The following ATG7 variants were observed in gnomAD, a reference collection of about 807,000 sequenced individuals.
ATG7 encodes the protein autophagy related 7, also known as ubiquitin-like modifier-activating enzyme ATG7.
Under a neutral mutation model 82.4 loss-of-function variants are expected in ATG7, and 70 were observed. The observed-to-expected ratio is 0.85, with a 90% CI of 0.70 to 1.04. The LOEUF (loss-of-function observed/expected upper bound fraction) is 1.04. Among genes scored for constraint, ATG7 ranks in the 50% least tolerant of loss-of-function variants. ATG7 has a pLI of 0.00. For synonymous variants in ATG7, 287 were observed against 313.0 expected, an observed-to-expected ratio of 0.92 and a Z score of 0.88; for missense variants, 792 against 864.3, an observed-to-expected ratio of 0.92 and a Z score of 1.05.
chr3:11,429,982 A>G (rs1472756580), intron 20 of ATG7, among the ~76,000 whole-genome samples: 1 of 150,070 alleles, frequency 6.7e-6, no homozygotes, highest in Non-Finnish European at 1.5e-5. Flanking sequence ...TGTGAAAAGG[A>G]TATCTTCCTT....
chr3:11,558,834 G>A (rs748520490), downstream of ATG7: 1 of 1,609,214 alleles, frequency 6.2e-7, no homozygotes, highest in Non-Finnish European at 8.5e-7. Flanking sequence ...GCAGCTGCAG[G>A]CAAGCAGGAA....
chr3:11,472,426 A>T (rs1027808516), intron 20 of ATG7, among the ~76,000 whole-genome samples: 2 of 148,722 alleles, frequency 1.3e-5, no homozygotes, highest in Non-Finnish European at 2.9e-5. Context: ...CCCTGTCACT[A>T]TGGTAGAGGA....
chr3:11,324,821 A>G (rs959565604), intron 9 of ATG7, among the ~76,000 whole-genome samples: 1 of 152,166 alleles, frequency 6.6e-6, no homozygotes, highest in African/African-American at 2.4e-5. Flanking sequence ...GACCCCGAGA[A>G]TATTTGATAG....
At chr3:11,378,648 G>A (rs2077621646) in intron 18 of ATG7, among the ~76,000 whole-genome samples, 1 of 122,590 alleles carries the variant, frequency 8.2e-6, no homozygotes, top group Non-Finnish European at 1.6e-5. Context: ...TCACACCACT[G>A]TACTCCAGCC....
the ATG7 span, among the ~76,000 whole-genome samples, chr3:11,563,378 T>G: frequency 3.3e-5 from 5 of 152,174 alleles, no homozygotes; most frequent in Non-Finnish European, 7.3e-5. Context: ...AGCAGAAAGG[T>G]CCACTGCCCA....
At chr3:11,404,125 A>ATTT (rs10591303) in intron 19 of ATG7, among the ~76,000 whole-genome samples, 848 of 76,854 alleles carry the variant, frequency 0.011, 19 homozygotes, top group East Asian at 0.014. Flanking sequence ...AACCAGCTCA[A>ATTT]TTTTTTTTTT....
intron 19 of ATG7, among the ~76,000 whole-genome samples, chr3:11,395,961 A>G (rs1330144824): frequency 1.1e-4 from 13 of 122,524 alleles, no homozygotes; most frequent in Non-Finnish European, 2.1e-4. Flanking sequence ...AAAAAAAAAA[A>G]AAAAGGTAGG....
At chr3:11,417,130 G>T (rs949304045) in intron 19 of ATG7, among the ~76,000 whole-genome samples, 1 of 152,198 alleles carries the variant, frequency 6.6e-6, no homozygotes, top group Non-Finnish European at 1.5e-5. Context: ...ATGTGAATGT[G>T]AGAAGAATGT....
intron 20 of ATG7, among the ~76,000 whole-genome samples, chr3:11,431,016 T>C (rs1487693755): frequency 6.6e-6 from 1 of 152,170 alleles, no homozygotes; most frequent in African/African-American, 2.4e-5. Context: ...AAATCATGAG[T>C]AGTGTGATGT....
In ATG7 at chr3:11,362,811, A is replaced by C. The variant is rs769850031; in HGVS notation, c.1684-2A>C. The C allele has an allele frequency of 2.5e-6, 4 of 1,613,556 alleles. No individual in the cohort carries two copies. Among genetic ancestry groups the C allele is most frequent in the African/African-American group, 1.3e-5 (1 of 74,912 alleles). On this transcript the variant is annotated splice_acceptor_variant, in intron 16 of 20. Transcript: ENST00000693202. LOFTEE classifies it high-confidence loss of function. ...CACACACCAATGATTGTTTCTTTGC[A>C]GTCAACCAGAGACCGGACCTTGGAC...
At chr3:11,424,675 G>A (rs1482598392) in intron 19 of ATG7, among the ~76,000 whole-genome samples, 1 of 151,872 alleles carries the variant, frequency 6.6e-6, no homozygotes, top group Non-Finnish European at 1.5e-5. Context: ...AGTAACACAT[G>A]CACATGGATT....
chr3:11,398,438 A>C (rs1173206580), intron 19 of ATG7, among the ~76,000 whole-genome samples: 1 of 152,242 alleles, frequency 6.6e-6, no homozygotes, highest in African/African-American at 2.4e-5. Context: ...AATCATCCCC[A>C]TGTGTTTGGA....
chr3:11,435,419 C>T (rs1348023342), intron 20 of ATG7, among the ~76,000 whole-genome samples: 1 of 152,220 alleles, frequency 6.6e-6, no homozygotes, highest in African/African-American at 2.4e-5. Flanking sequence ...ATGAAACATG[C>T]TACTCACTAC....
intron 3 of ATG7, among the ~76,000 whole-genome samples, chr3:11,298,238 G>A (rs1253717707): frequency 6.6e-6 from 1 of 151,894 alleles, no homozygotes; most frequent in East Asian, 1.9e-4. Context: ...AGGCCAATTA[G>A]GATGGTTTTC....
At chr3:11,504,213 A>G (rs1264558819) in intron 20 of ATG7, among the ~76,000 whole-genome samples, 3 of 152,238 alleles carry the variant, frequency 2.0e-5, no homozygotes, top group Non-Finnish European at 2.9e-5. Flanking sequence ...CTTCTGAATA[A>G]CTACACTGGA....
chr3:11,549,078 A>G (rs1006397293), intron 20 of ATG7, among the ~76,000 whole-genome samples: 1 of 151,722 alleles, frequency 6.6e-6, no homozygotes, highest in Middle Eastern at 3.2e-3. Context: ...TTTTTTTTCA[A>G]TCAGCTGTAT....
intron 19 of ATG7, among the ~76,000 whole-genome samples, chr3:11,426,520 A>G (rs1037964208): frequency 6.6e-6 from 1 of 152,116 alleles, no homozygotes; most frequent in African/African-American, 2.4e-5. Flanking sequence ...TAGAGCCACT[A>G]ACTACTCCTA....
At chr3:11,290,058 C>T (rs1378412808) in intron 3 of ATG7, among the ~76,000 whole-genome samples, 1 of 152,114 alleles carries the variant, frequency 6.6e-6, no homozygotes, top group Non-Finnish European at 1.5e-5. Context: ...ATAGTATAGA[C>T]CGGGTAGGAA....
intron 19 of ATG7, among the ~76,000 whole-genome samples, chr3:11,387,608 A>G (rs1222692774): frequency 1.3e-5 from 2 of 152,178 alleles, no homozygotes; most frequent in East Asian, 1.9e-4. Context: ...CCCCAAGCCT[A>G]TTCTTAAATT....
Sources: gnomAD v4.1 joint callset for allele counts (sites outside exome capture counted in the v4.1 genomes callset) on GRCh38, gnomAD v4.1.1 for gene constraint, MANE v1.5 for transcripts, NCBI Gene and HGNC (gene_info 2026-07-23, HGNC 2026-07-21) for gene names.